Variants in LIN7B observed in about 807,000 individuals in gnomAD.
LIN7B encodes protein lin-7 homolog B.
Under a neutral mutation model 27.9 loss-of-function variants are expected in LIN7B, and 16 were observed. That is an observed-to-expected ratio of 0.57 (90% CI 0.39 to 0.87). The LOEUF (loss-of-function observed/expected upper bound fraction) is 0.87. Among genes scored for constraint, LIN7B ranks in the 40% least tolerant of loss-of-function variants. LIN7B has a pLI of 0.00. For synonymous variants in LIN7B, 147 were observed against 120.8 expected (o/e 1.22, Z -1.42); for missense variants, 291 against 288.5 (o/e 1.01, Z -0.06).
intron 5 of LIN7B, 127 bp from the exon 6 acceptor site, chr19:49,118,225 G>A (rs897872648): frequency 3.7e-6 from 5 of 1,333,720 alleles, no homozygotes; most frequent in South Asian, 1.2e-5. Flanking sequence ...CCCAAGATAC[G>A]GAACCTACTG....
intron 3 of LIN7B, 32 bp from the exon 4 acceptor site, chr19:49,116,231 G>T: frequency 6.3e-7 from 1 of 1,590,332 alleles, no homozygotes; most frequent in African/African-American, 1.3e-5. Flanking sequence ...CCTGGAAGGG[G>T]CCCTCATCTT....
At chr19:49,115,020 C>T in intron 2 of LIN7B, 53 bp downstream of exon 2, 1 of 1,185,636 alleles carries the variant, frequency 8.4e-7, no homozygotes, top group Non-Finnish European at 1.1e-6. Context: ...TCCTCCTCCT[C>T]CTCCTCCTGC....
chr19:49,118,376 C>A lies in LIN7B; in HGVS notation c.*3C>A. On this transcript the variant is annotated 3_prime_UTR_variant, in exon 6 of 6. Coordinates refer to ENST00000221459, the MANE Select transcript of LIN7B (RefSeq NM_022165.3). ...GGTCCTTGGAGTCTCGAGGTTGAAA[C>A]CACAGATCTGGACGTTCACGTGCAC... is the stretch of plus-strand genomic sequence containing the variant. 2 of 1,614,126 alleles carry A rather than the reference C, an allele frequency of 1.2e-6. No individual in the cohort carries two copies. Among genetic ancestry groups the A allele is most frequent in the Non-Finnish European group, 1.7e-6 (2 of 1,179,958 alleles).
chr19:49,114,598 G>C (rs1555740254), intron 1 of LIN7B, 157 bp downstream of exon 1: 1 of 547,854 alleles, frequency 1.8e-6, no homozygotes, highest in Non-Finnish European at 2.7e-6. Flanking sequence ...GCTAGGTGTG[G>C]GAGGCTCCCT....
Position 49,115,079 on chromosome 19 carries a change from C to T in LIN7B, c.156+112C>T, listed in dbSNP as rs753610499. Reference sequence around the variant, plus strand: ...CCTCCCGGCAGCTCCCGAGGCGGCCCGCCTTGGGGTGCCAACGCTTCAGCT... The same window carrying T: ...CCTCCCGGCAGCTCCCGAGGCGGCCTGCCTTGGGGTGCCAACGCTTCAGCT... On this transcript the variant is annotated intron_variant, in intron 2 of 5. Coordinates refer to ENST00000221459, the MANE Select transcript of LIN7B (RefSeq NM_022165.3). The T allele has an allele frequency of 8.0e-5, 73 of 910,812 alleles. No individual in the cohort carries two copies. In the Middle Eastern group the frequency reaches 9.2e-4, roughly 12 times the overall value. 56.4% of individuals were successfully genotyped at this position (910,812 alleles called of 1,614,324 possible).
intron 4 of LIN7B, among the ~76,000 whole-genome samples, chr19:49,117,316 G>A (rs2040843438): frequency 6.6e-6 from 1 of 151,950 alleles, no homozygotes; most frequent in African/African-American, 2.4e-5. Context: ...AGATGGCTGG[G>A]GTCAGCCATA....
chr19:49,116,948 A>G (rs1450979874), intron 4 of LIN7B, among the ~76,000 whole-genome samples: 2 of 152,108 alleles, frequency 1.3e-5, no homozygotes, highest in African/African-American at 4.8e-5. Context: ...GCAGGTAATT[A>G]AAATCACTGT....
intron 2 of LIN7B, 96 bp from the exon 3 acceptor site, chr19:49,115,164 C>A: frequency 8.7e-7 from 1 of 1,142,944 alleles, no homozygotes; most frequent in Non-Finnish European, 1.2e-6. Context: ...GGGGCGGATC[C>A]TTGCGTGGTA....
chr19:49,115,249 T>C lies in LIN7B; in HGVS notation c.157-11T>C, dbSNP rs1487091179. 22 of 1,550,132 alleles carry C rather than the reference T, an allele frequency of 1.4e-5. No homozygotes were observed. Among genetic ancestry groups the C allele is most frequent in the Admixed American group, 2.0e-5 (1 of 51,084 alleles). ...CTGGCGACTCCCTGATGCCGCTGCC[T>C]CCTCACCCAGGTGTATGAGCAGCTT... On this transcript the variant is annotated splice_polypyrimidine_tract_variant and intron_variant, in intron 2 of 5. Coordinates refer to ENST00000221459, the MANE Select transcript of LIN7B (RefSeq NM_022165.3).
chr19:49,118,162 C>T, intron 5 of LIN7B, 144 bp downstream of exon 5: 5 of 1,427,680 alleles, frequency 3.5e-6, no homozygotes, highest in Non-Finnish European at 4.8e-6. Flanking sequence ...CCCAGGCTCT[C>T]ACCCCAGGCT....
intron 4 of LIN7B, among the ~76,000 whole-genome samples, chr19:49,117,443 A>G (rs568943986): frequency 1.0e-3 from 154 of 151,930 alleles, no homozygotes; most frequent in African/African-American, 3.6e-3. Flanking sequence ...CCACTCTGGG[A>G]CTCTATGGGA....
chr19:49,114,438 C>G lies in LIN7B; in HGVS notation c.34C>G (p.Arg12Gly). The G allele has an allele frequency of 8.3e-7, 1 of 1,207,782 alleles. No homozygotes were observed. Among genetic ancestry groups the G allele is most frequent in the East Asian group, 3.4e-5 (1 of 29,324 alleles). The allele number at this position is 1,207,782 out of a possible 1,614,324, so 74.8% of individuals were successfully genotyped here. Reference protein sequence around the residue: ...AALVEPLGLERDVSRAVELLE... With the variant: ...AALVEPLGLEGDVSRAVELLE... ...GCTGGTGGAGCCGCTGGGGCTGGAG[C>G]GGGGTAAGCGTGCGCCAGGGGGCCC... Residue 12 changes from arginine to glycine, a missense_variant, in exon 1 of 6, where the codon CGG becomes GGG. Physicochemically the swap from Arg to Gly is moderately radical, Grantham distance 125. Transcript: ENST00000221459.
At chr19:49,114,767 C>T (rs1448854700) in intron 1 of LIN7B, 82 bp from the exon 2 acceptor site, 4 of 808,930 alleles carry the variant, frequency 4.9e-6, no homozygotes, top group East Asian at 3.3e-5. Flanking sequence ...TGCGCTCGGC[C>T]TCACTCCGCC....
At chr19:49,115,071 A>G in intron 2 of LIN7B, 104 bp downstream of exon 2, 1 of 932,854 alleles carries the variant, frequency 1.1e-6, no homozygotes, top group Non-Finnish European at 1.5e-6. Flanking sequence ...GCAGCTCCCG[A>G]GGCGGCCCGC....
Position 49,114,382 on chromosome 19 carries a change from C to A in LIN7B, c.-23C>A. ...CCTCGCCGGCGCCAGGGCAGGCGGG[C>A]GGCTGGCAGCTGTGGCGCCGACATG... On this transcript the variant is annotated 5_prime_UTR_variant, in exon 1 of 6. Transcript: ENST00000221459. 3 of 1,192,670 alleles carry A rather than the reference C, an allele frequency of 2.5e-6. No individual in the cohort carries two copies. Among genetic ancestry groups the A allele is most frequent in the Non-Finnish European group, 3.1e-6 (3 of 962,680 alleles). The allele number at this position is 1,192,670 out of a possible 1,614,324, so 73.9% of individuals were successfully genotyped here.
Position 49,114,398 on chromosome 19 carries a change from C to T in LIN7B, c.-7C>T. 1 of 1,199,606 alleles carries T rather than the reference C, an allele frequency of 8.3e-7. No individual in the cohort carries two copies. The highest frequency in any genetic ancestry group is 1.0e-6 in the Non-Finnish European group (1 of 967,192). 74.3% of individuals were successfully genotyped at this position (1,199,606 alleles called of 1,614,324 possible). A position where few individuals can be genotyped will look rare whatever the true frequency, so the allele number is the denominator to read the frequency against. ...GCAGGCGGGCGGCTGGCAGCTGTGG[C>T]GCCGACATGGCTGCGCTGGTGGAGC... On this transcript the variant is annotated 5_prime_UTR_variant, in exon 1 of 6. Coordinates refer to ENST00000221459, the MANE Select transcript of LIN7B (RefSeq NM_022165.3).
intron 2 of LIN7B, 61 bp from the exon 3 acceptor site, chr19:49,115,199 A>C: frequency 1.4e-6 from 2 of 1,455,196 alleles, no homozygotes; most frequent in Non-Finnish European, 1.9e-6. Flanking sequence ...AGAGGCCTGA[A>C]CTCCTGCGTC....
Position 49,114,944 on chromosome 19 carries a change from C to T in LIN7B, c.133C>T (p.Arg45Cys). ...LQALQRVLQS[R>C]FCSAIREVYE... ...GGCCCTCCAGCGAGTTCTGCAGAGC[C>T]GCTTCTGCTCCGCTATCCGAGAGGT... Residue 45 changes from arginine to cysteine, a missense_variant, in exon 2 of 6, where the codon CGC becomes TGC. Coordinates refer to ENST00000221459, the MANE Select transcript of LIN7B (RefSeq NM_022165.3). The T allele has an allele frequency of 3.5e-6, 5 of 1,435,808 alleles. No homozygotes were observed. Among genetic ancestry groups the T allele is most frequent in the Admixed American group, 2.7e-5 (1 of 36,808 alleles). 88.9% of individuals were successfully genotyped at this position (1,435,808 alleles called of 1,614,324 possible). A position where few individuals can be genotyped will look rare whatever the true frequency, so the allele number is the denominator to read the frequency against.
At chr19:49,117,823 C>T (rs768894690) in intron 4 of LIN7B, 32 bp from the exon 5 acceptor site, 4 of 1,602,862 alleles carry the variant, frequency 2.5e-6, no homozygotes, top group East Asian at 2.2e-5. Context: ...GCAGCGGGCC[C>T]CAGGCTCAGC....
Sources: allele counts gnomAD v4.1 joint callset (sites outside exome capture counted in the v4.1 genomes callset), GRCh38; gene constraint gnomAD v4.1.1; transcripts MANE v1.5; gene names NCBI Gene and HGNC (gene_info 2026-07-23, HGNC 2026-07-21).